The following MROH2A variants were observed in gnomAD, a reference collection of about 807,000 sequenced individuals.
MROH2A encodes maestro heat like repeat family member 2A, also known as maestro heat-like repeat-containing protein family member 2A.
In MROH2A, 174 loss-of-function variants were observed where a neutral mutation model predicts 200.4. The observed-to-expected ratio is 0.87, with a 90% CI of 0.77 to 0.98. The LOEUF (loss-of-function observed/expected upper bound fraction) is 0.98, where lower values mean the gene tolerates loss of function less well. MROH2A is among the 50% of genes least tolerant of loss of function. The pLI is 0.00. For synonymous variants in MROH2A, 829 were observed against 840.4 expected, an observed-to-expected ratio of 0.99 and a Z score of 0.23; for missense variants, 2,045 against 2,139.6, an observed-to-expected ratio of 0.96 and a Z score of 0.87.
rs575561735 is a variant in MROH2A at position 233,795,999 on chromosome 2, C to T, written c.1092C>T (p.Tyr364=). The change falls in exon 10 of 42, where the codon TAC becomes TAT. Residue 364 remains tyrosine, a synonymous_variant. Transcript: ENST00000389758. ...VCNKAPAQHQ[Y]SSQNLMEMVH... ...ACAAGGCCCCGGCCCAGCATCAGTA[C>T]AGCAGCCAGAATCTGATGGAGATGG... The T allele has an allele frequency of 9.7e-6, 15 of 1,550,536 alleles. No homozygotes were observed. The highest frequency in any genetic ancestry group is 2.4e-5 in the South Asian group (2 of 84,062).
chr2:233,788,720 G>A (rs909904183), intron 3 of MROH2A, among the ~76,000 whole-genome samples: 10 of 151,900 alleles, frequency 6.6e-5, no homozygotes, highest in Non-Finnish European at 7.4e-5. Flanking sequence ...GGCAGATCAC[G>A]AGGTCAGGAG....
Position 233,781,212 on chromosome 2 carries a change from T to G in MROH2A, c.276+1360T>G, listed in dbSNP as rs147372350. ...CAATAAACATGAAAATGCAGCTATC[T>G]CTTAGATATATTGACTTCCTTTCTT... On this transcript the variant is annotated intron_variant, in intron 3 of 41. Coordinates refer to ENST00000389758, the MANE Select transcript of MROH2A (RefSeq NM_001394639.1). 1.0e-3 allele frequency among the ~76,000 whole-genome samples: 158 copies of G among 152,330 alleles called. 1 individual carries two copies. The highest frequency in any genetic ancestry group is 3.7e-3 in the African/African-American group (154 of 41,580).
At chr2:233,818,474 G>T (rs573445875) in intron 28 of MROH2A, among the ~76,000 whole-genome samples, 178 bp from the exon 29 acceptor site, 3 of 152,268 alleles carry the variant, frequency 2.0e-5, no homozygotes, top group African/African-American at 4.8e-5. Context: ...CGGAGAGGTG[G>T]TGCGGGCAGA....
rs529304180 is a variant in MROH2A at position 233,789,684 on chromosome 2, C to T, written c.408+56C>T. ...CTCTGCCAGCCCAGGAGCTGGGCCACGGGGGGCCTGGCCCAGGATGCCCAC... is the reference window on the plus strand; with the variant it reads ...CTCTGCCAGCCCAGGAGCTGGGCCATGGGGGGCCTGGCCCAGGATGCCCAC... On this transcript the variant is annotated intron_variant, in intron 4 of 41. Coordinates refer to ENST00000389758, the MANE Select transcript of MROH2A (RefSeq NM_001394639.1). 8.0e-4 allele frequency: 1,147 copies of T among 1,437,694 alleles called. 1 individual carries two copies. Among genetic ancestry groups the T allele is most frequent in the Non-Finnish European group, 9.8e-4 (1,064 of 1,090,760 alleles). 89.1% of individuals were successfully genotyped at this position (1,437,694 alleles called of 1,614,324 possible). A position where few individuals can be genotyped will look rare whatever the true frequency, so the allele number is the denominator to read the frequency against.
rs28899476 is a variant in MROH2A, at chr2:233,778,928, T to G, written c.-14-417T>G. ...TTAGGGTCTCAGAGACTGCAGTCCTTTCTGGAGTTCAGCTTCCTCTTCCAA... is the reference window on the plus strand; with the variant it reads ...TTAGGGTCTCAGAGACTGCAGTCCTGTCTGGAGTTCAGCTTCCTCTTCCAA... On this transcript the variant is annotated intron_variant, in intron 1 of 41. Coordinates refer to ENST00000389758, the MANE Select transcript of MROH2A (RefSeq NM_001394639.1). 9.7e-3 allele frequency among the ~76,000 whole-genome samples: 1,471 copies of G among 152,290 alleles called. 32 individuals carry two copies. The highest frequency in any genetic ancestry group is 0.034 in the African/African-American group (1,411 of 41,546).
At chr2:233,813,521 C>T (rs1410135827) in intron 24 of MROH2A, 149 bp from the exon 25 acceptor site, 2 of 598,288 alleles carry the variant, frequency 3.3e-6, no homozygotes, top group Non-Finnish European at 6.0e-6. Context: ...GCCAGGGCCC[C>T]TGGGGAGGGA....
intron 35 of MROH2A, among the ~76,000 whole-genome samples, chr2:233,824,736 A>T (rs1328979362): frequency 6.6e-6 from 1 of 152,250 alleles, no homozygotes; most frequent in Admixed American, 6.5e-5. Context: ...TAGACCGTGT[A>T]TGCATTGCTT....
rs1340237706 is a variant in MROH2A, at chr2:233,821,049, A to G, written c.3512+993A>G. 5.3e-5 allele frequency among the ~76,000 whole-genome samples: 8 copies of G among 152,336 alleles called. No homozygotes were observed. The South Asian group carries it at 1.7e-3, about 32-fold the overall frequency. On this transcript the variant is annotated intron_variant, in intron 31 of 41. Coordinates refer to ENST00000389758, the MANE Select transcript of MROH2A (RefSeq NM_001394639.1). ...ACACTGGCTTTCACTTAGTTTGCCA[A>G]AATCTGTATTGGTTTGCTATTGCTG...
At chr2:233,779,993 C>T in intron 3 of MROH2A, 141 bp downstream of exon 3, 1 of 718,592 alleles carries the variant, frequency 1.4e-6, no homozygotes, top group Non-Finnish European at 2.2e-6. Context: ...GAGGTGCTTA[C>T]TCCCTGAGGA....
intron 3 of MROH2A, among the ~76,000 whole-genome samples, chr2:233,783,219 T>C (rs1701030629): frequency 6.6e-6 from 1 of 152,208 alleles, no homozygotes; most frequent in South Asian, 2.1e-4. Flanking sequence ...ATCAGGGTAA[T>C]GCTGGCCTTG....
upstream of MROH2A, among the ~76,000 whole-genome samples, chr2:233,777,221 GT>G (rs566958584): frequency 1.1e-3 from 165 of 152,310 alleles, 2 homozygotes; most frequent in Middle Eastern, 0.02. Flanking sequence ...CACTTTTCAT[GT>G]GTTGAGTCTG....
intron 8 of MROH2A, 87 bp from the exon 9 acceptor site, chr2:233,795,558 CTCAGTGGG>C: frequency 1.3e-6 from 2 of 1,533,398 alleles, no homozygotes; most frequent in Non-Finnish European, 1.8e-6. Context: ...AATGCTGGTG[CTCAGTGGG>C]TCAGTGGGCC....
chr2:233,791,604 C>T (rs1219256256), intron 5 of MROH2A, among the ~76,000 whole-genome samples: 1 of 152,072 alleles, frequency 6.6e-6, no homozygotes, highest in African/African-American at 2.4e-5. Flanking sequence ...ATGTTCAAAG[C>T]CATTGATATC....
At position 233,831,521 on chromosome 2, in the gene MROH2A, C is replaced by T. The variant is rs1438071422; in HGVS notation, c.4715C>T (p.Thr1572Ile). 1.3e-6 allele frequency: 2 copies of T among 1,550,296 alleles called. No individual in the cohort carries two copies. The highest frequency in any genetic ancestry group is 1.7e-6 in the Non-Finnish European group (2 of 1,146,842). Residue 1572 changes from threonine (T) to isoleucine (I), a missense_variant, in exon 39 of 42, where the codon ACA (threonine) becomes ATA (isoleucine). Coordinates refer to ENST00000389758, the MANE Select transcript of MROH2A (RefSeq NM_001394639.1). ...ATDDKMTVFQ[T>I]TMCSILTRKK... is the part of the protein sequence containing the mutation. ...GATGACAAGATGACCGTTTTCCAGA[C>T]AACCATGTGCTCCATCCTGGTGAGG...
At position 233,800,535 on chromosome 2, in the gene MROH2A, C is replaced by A. The variant is rs555524209; in HGVS notation, c.1560+220C>A. 2.0e-5 allele frequency among the ~76,000 whole-genome samples: 3 copies of A among 152,296 alleles called. No individual in the cohort carries two copies. In the South Asian group the frequency reaches 6.2e-4, roughly 32 times the overall value. Reference sequence around the variant, plus strand: ...CATCTCTGTACCCCTAGAGGCTGGGCAGTGCACGACCTCAGCATGGCTGGC... The same window carrying A: ...CATCTCTGTACCCCTAGAGGCTGGGAAGTGCACGACCTCAGCATGGCTGGC... On this transcript the variant is annotated intron_variant, in intron 14 of 41. Transcript: ENST00000389758.
chr2:233,825,078 T>G (rs1306458831), intron 35 of MROH2A, among the ~76,000 whole-genome samples: 1 of 152,210 alleles, frequency 6.6e-6, no homozygotes, highest in Non-Finnish European at 1.5e-5. Context: ...TTTTATTCTC[T>G]TTGTAGCAAT....
At position 233,782,021 on chromosome 2, in the gene MROH2A, T is replaced by C. The variant is rs575839257; in HGVS notation, c.276+2169T>C. Among the ~76,000 whole-genome samples, 8 of 152,308 alleles carry C rather than the reference T, an allele frequency of 5.3e-5. 1 individual carries two copies. In the South Asian group the frequency reaches 1.7e-3, roughly 32 times the overall value. On this transcript the variant is annotated intron_variant, in intron 3 of 41. Transcript: ENST00000389758. The stretch of plus-strand genomic sequence containing the variant: ...ATGTGCCTAGCACCTTTGTCAAAAA[T>C]GAGTTGACTGTAAATGCATGGATTG...
In MROH2A at chr2:233,818,690, A is replaced by G; in HGVS notation, c.3124A>G (p.Lys1042Glu). 2 of 1,550,092 alleles carry G rather than the reference A, an allele frequency of 1.3e-6. No homozygotes were observed. Residue 1042 changes from lysine to glutamate, a missense_variant, in exon 29 of 42, where the codon AAG becomes GAG. This residue lies in a region of MROH2A where 1,201 missense variants were observed against 1,311.3 expected (regional missense o/e 0.92). Coordinates refer to ENST00000389758, the MANE Select transcript of MROH2A (RefSeq NM_001394639.1). The part of the protein sequence containing the change: ...TCSLWGPSKQ[K>E]ELEKCKGDLQ... ...CTCCTTGTGGGGCCCTTCCAAGCAG[A>G]AGGAGCTTGAGAAATGTAAGGGGGA...
rs17863807 is a variant in MROH2A, at chr2:233,792,457, C to T, written c.572-339C>T. On this transcript the variant is annotated intron_variant, in intron 5 of 41. Transcript: ENST00000389758. Reference sequence around the variant, plus strand: ...CCTCCCGAGTGGTTGAGACTACAGGCGCCTGCCAACACGCCCGGCCAATTT... The same window carrying T: ...CCTCCCGAGTGGTTGAGACTACAGGTGCCTGCCAACACGCCCGGCCAATTT... Among the ~76,000 whole-genome samples, 277 of 152,118 alleles carry T rather than the reference C, an allele frequency of 1.8e-3. 3 individuals are homozygous for T. Among genetic ancestry groups the T allele is most frequent in the South Asian group, 0.018 (86 of 4,808 alleles).
Sources: allele counts gnomAD v4.1 joint callset (sites outside exome capture counted in the v4.1 genomes callset), GRCh38; gene constraint gnomAD v4.1.1; regional missense constraint gnomAD v4.1.1; transcripts MANE v1.5; gene names NCBI Gene and HGNC (gene_info 2026-07-23, HGNC 2026-07-21).